CDC6: variants seen among roughly 807,000 people sequenced by gnomAD.
CDC6 encodes the protein DNA replication factor CDC6.
Under a neutral mutation model 60.2 loss-of-function variants are expected in CDC6, and 46 were observed. The ratio of observed to expected loss-of-function variants is 0.76; its 90% confidence interval spans 0.60 to 0.98. CDC6 has a LOEUF of 0.98. CDC6 is among the 50% of genes least tolerant of loss of function. The pLI is 0.00. For synonymous variants in CDC6, 210 were observed against 233.2 expected (o/e 0.90, Z 0.90); for missense variants, 596 against 652.9 (o/e 0.91, Z 0.95).
intron 10 of CDC6, 106 bp from the exon 11 acceptor site, chr17:40,301,362 T>A: frequency 1.0e-6 from 1 of 991,772 alleles, no homozygotes; most frequent in Non-Finnish European, 1.6e-6. Flanking sequence ...AGAAATAGGG[T>A]ATTCAGATAA....
intron 9 of CDC6, among the ~76,000 whole-genome samples, chr17:40,299,117 T>G (rs2032899945): frequency 6.9e-6 from 1 of 144,704 alleles, no homozygotes; most frequent in South Asian, 2.3e-4. Flanking sequence ...TTCATGCATC[T>G]CCAAACGATA....
intron 4 of CDC6, among the ~76,000 whole-genome samples, chr17:40,293,234 G>A (rs1470375861): frequency 2.0e-5 from 3 of 151,734 alleles, no homozygotes; most frequent in South Asian, 2.1e-4. Flanking sequence ...GTGAGACTCC[G>A]TCTCAAAGAA....
At chr17:40,294,167 A>G in intron 6 of CDC6, 111 bp downstream of exon 6, 1 of 1,031,380 alleles carries the variant, frequency 9.7e-7, no homozygotes, top group Non-Finnish European at 1.5e-6. Flanking sequence ...TGCCGTGTCA[A>G]AATAAGAAAG....
intron 9 of CDC6, among the ~76,000 whole-genome samples, chr17:40,299,932 C>T (rs1472625647): frequency 6.6e-6 from 1 of 152,028 alleles, no homozygotes; most frequent in African/African-American, 2.4e-5. Flanking sequence ...CTCATTTGAT[C>T]CAAAATATTC....
At position 40,300,900 on chromosome 17, in the gene CDC6, T is replaced by G; in HGVS notation, c.1322T>G (p.Val441Gly). ...LIHISQVISE[V>G]DGNRMTLSQE... is the part of the protein sequence containing the mutation. ...CACATATCCCAAGTCATCTCAGAAG[T>G]TGATGGTAACAGGATGACCTTGAGC... Residue 441 changes from valine (V) to glycine (G), a missense_variant, in exon 10 of 12, where the codon GTT becomes GGT. Val to Gly is a moderately radical substitution (Grantham distance 109). Coordinates refer to ENST00000209728, the MANE Select transcript of CDC6 (RefSeq NM_001254.4). 1.9e-6 allele frequency: 3 copies of G among 1,614,028 alleles called. No individual in the cohort carries two copies. Among genetic ancestry groups the G allele is most frequent in the Admixed American group, 1.7e-5 (1 of 60,026 alleles).
chr17:40,300,081 A>G (rs1483120692), intron 9 of CDC6, among the ~76,000 whole-genome samples: 2 of 151,446 alleles, frequency 1.3e-5, no homozygotes, highest in Non-Finnish European at 2.9e-5. Context: ...TTCTGCCTCA[A>G]CCTCCCAAGT....
intron 9 of CDC6, among the ~76,000 whole-genome samples, chr17:40,297,273 C>T (rs1373895599): frequency 2.0e-5 from 3 of 151,888 alleles, no homozygotes; most frequent in Non-Finnish European, 2.9e-5. Flanking sequence ...CTTGTTTCTA[C>T]AAAAAATTTT....
chr17:40,298,396 T>C (rs1213040282), intron 9 of CDC6, among the ~76,000 whole-genome samples: 2 of 137,162 alleles, frequency 1.5e-5, no homozygotes, highest in Non-Finnish European at 3.0e-5. Context: ...CTTTTTTCTT[T>C]CTTTTTTTTT....
chr17:40,295,245 G>A, intron 7 of CDC6, 111 bp from the exon 8 acceptor site: 1 of 795,756 alleles, frequency 1.3e-6, no homozygotes. Flanking sequence ...TAACCCTAAA[G>A]AGTTGCCAAT....
intron 9 of CDC6, among the ~76,000 whole-genome samples, chr17:40,299,418 T>C (rs1434888155): frequency 6.6e-6 from 1 of 151,418 alleles, no homozygotes; most frequent in African/African-American, 2.4e-5. Flanking sequence ...CCTGATCCTC[T>C]CCCTCCACCC....
chr17:40,292,053 G>C (rs1446740237), intron 4 of CDC6, among the ~76,000 whole-genome samples: 1 of 151,896 alleles, frequency 6.6e-6, no homozygotes, highest in Non-Finnish European at 1.5e-5. Context: ...GGCCTGTTTT[G>C]TTTTTGAAAC....
rs768804725 is a variant in CDC6, at chr17:40,291,303, A to G, written c.424A>G (p.Lys142Glu). The change falls in exon 3 of 12, where the codon AAA (lysine) becomes GAA (glutamate). Residue 142 changes from lysine (K) to glutamate (E), a missense_variant. By Grantham distance (56) the Lys-to-Glu change is moderately conservative. Transcript: ENST00000209728. Reference sequence around the variant, plus strand: ...TTCTGAGCAGAGATGTCCACTGAAGAAAGAATCTGCATGTGTGAGACTATT... The same window carrying G: ...TTCTGAGCAGAGATGTCCACTGAAGGAAGAATCTGCATGTGTGAGACTATT... ...TNSEQRCPLK[K>E]ESACVRLFKQ... 6.2e-7 allele frequency: 1 copy of G among 1,614,246 alleles called. No individual in the cohort carries two copies. The highest frequency in any genetic ancestry group is 8.5e-7 in the Non-Finnish European group (1 of 1,180,020).
chr17:40,297,531 G>A (rs566989682), intron 9 of CDC6, among the ~76,000 whole-genome samples: 1 of 152,228 alleles, frequency 6.6e-6, no homozygotes, highest in African/African-American at 2.4e-5. Flanking sequence ...CTAGATGACA[G>A]GTTGATGAGT....
rs766753999 is a variant in CDC6, at chr17:40,294,003, T to A, written c.890T>A (p.Leu297Ter). 1 of 1,614,056 alleles carries A rather than the reference T, an allele frequency of 6.2e-7. No individual in the cohort carries two copies. Among genetic ancestry groups the A allele is most frequent in the African/African-American group, 1.3e-5 (1 of 74,940 alleles). The change falls in exon 6 of 12, where the codon TTG (leucine) becomes TAG (stop). Residue 297 changes from leucine to a stop codon, truncating the protein, a stop_gained. Coordinates refer to ENST00000209728, the MANE Select transcript of CDC6 (RefSeq NM_001254.4). LOFTEE classifies it high-confidence loss of function. ...CTGGACAGCAAAGGCCAGGATGTAT[T>A]GTACACGCTATTTGAATGGCCATGG... Reference protein sequence around the residue: ...DQLDSKGQDVLYTLFEWPWLS... With the variant: ...DQLDSKGQDV
intron 11 of CDC6, 26 bp downstream of exon 11, chr17:40,301,634 T>G: frequency 6.2e-7 from 1 of 1,609,886 alleles, no homozygotes; most frequent in Non-Finnish European, 8.5e-7. Context: ...TGTGACAGTG[T>G]TTTTAATTGT....
chr17:40,294,561 AT>A (rs2032831046), intron 7 of CDC6, 58 bp downstream of exon 7: 5 of 1,519,888 alleles, frequency 3.3e-6, no homozygotes, highest in Non-Finnish European at 4.6e-6. Flanking sequence ...TGCTAGGAAA[AT>A]TTAACAATAG....
chr17:40,293,537 CA>C lies in CDC6; in HGVS notation c.743del (p.Gln248ArgfsTer16). On this transcript the variant is annotated frameshift_variant, in exon 5 of 12. Coordinates refer to ENST00000209728, the MANE Select transcript of CDC6 (RefSeq NM_001254.4). LOFTEE classifies it high-confidence loss of function. ...CCAGGCTGTATTCCCAGCTATTGCT[CA>C]GGAGATTTGTCAGGAAGAGGTATCC... Reference protein sequence around the residue: ...TAQAVFPAIAQEICQEEVSRP... With the variant: ...TAQAVFPAIAXEICQEEVSRP... The C allele has an allele frequency of 2.5e-6, 4 of 1,613,534 alleles. No individual in the cohort carries two copies. The highest frequency in any genetic ancestry group is 3.4e-6 in the Non-Finnish European group (4 of 1,179,488).
intron 7 of CDC6, among the ~76,000 whole-genome samples, chr17:40,294,786 G>A (rs1046082717): frequency 2.7e-5 from 4 of 150,878 alleles, no homozygotes; most frequent in East Asian, 3.9e-4. Context: ...GTGCAATGGC[G>A]TGATCTCGGC....
At chr17:40,295,259 GT>G in intron 7 of CDC6, 96 bp from the exon 8 acceptor site, 1 of 855,686 alleles carries the variant, frequency 1.2e-6, no homozygotes. Flanking sequence ...TGCCAATCAA[GT>G]TTAGGGTTAA....
Sources: allele counts gnomAD v4.1 joint callset (sites outside exome capture counted in the v4.1 genomes callset), GRCh38; gene constraint gnomAD v4.1.1; transcripts MANE v1.5; gene names NCBI Gene and HGNC (gene_info 2026-07-23, HGNC 2026-07-21).